The following STARD9 variants were observed in gnomAD, a reference collection of about 807,000 sequenced individuals.
STARD9 encodes StAR related lipid transfer domain containing 9.
A neutral mutation model predicts 399.8 loss-of-function variants in STARD9; 346 were observed. The observed-to-expected ratio is 0.87, with a 90% CI of 0.79 to 0.95. The LOEUF (loss-of-function observed/expected upper bound fraction) is 0.95. Ranked by LOEUF, STARD9 falls within the 40% of genes least tolerant of loss-of-function variation. The probability of loss-of-function intolerance (pLI) is 0.00; values close to 1 mark genes in which losing one functional copy is unlikely to be tolerated. For missense variants in STARD9, 5,832 were observed against 5,667.5 expected (o/e 1.03, Z -0.93); for synonymous variants, 2,203 against 2,143.5 (o/e 1.03, Z -0.77).
intron 9 of STARD9, among the ~76,000 whole-genome samples, chr15:42,658,534 G>A (rs1174434025): frequency 6.7e-6 from 1 of 148,826 alleles, no homozygotes; most frequent in Non-Finnish European, 1.5e-5. Context: ...CCAGGCTGGA[G>A]CACAGTGGCA....
In STARD9 at chr15:42,685,697, G is replaced by C. The variant is rs747796785; in HGVS notation, c.4119G>C (p.Arg1373Ser). 1 of 1,537,182 alleles carries C rather than the reference G, an allele frequency of 6.5e-7. No individual in the cohort carries two copies. The highest frequency in any genetic ancestry group is 1.2e-5 in the South Asian group (1 of 84,062). The part of the protein sequence containing the change: ...MQEFHSCKGE[R>S]PGYWPNTEEL... ...AATTTCACTCCTGTAAGGGGGAGAG[G>C]CCTGGATACTGGCCAAATACTGAGG... Residue 1373 changes from arginine to serine, a missense_variant, in exon 23 of 33, where the codon AGG (arginine) becomes AGC (serine). Arg to Ser is a moderately radical substitution (Grantham distance 110, BLOSUM62 -1). Transcript: ENST00000290607.
chr15:42,638,663 AAATAT>A (rs1185985498), intron 6 of STARD9, 32 bp from the exon 7 acceptor site: 2 of 1,414,942 alleles, frequency 1.4e-6, no homozygotes, highest in Non-Finnish European at 1.9e-6. Flanking sequence ...CTTTTTTTCA[AAATAT>A]AATTATGTTG....
At chr15:42,664,823 C>CACACACACAT (rs71431859) in intron 13 of STARD9, among the ~76,000 whole-genome samples, 19 of 151,468 alleles carry the variant, frequency 1.3e-4, no homozygotes, top group African/African-American at 4.2e-4. Flanking sequence ...CACACACACA[C>CACACACACAT]ACCCCATACG....
intron 4 of STARD9, 80 bp downstream of exon 4, chr15:42,635,052 T>TC: frequency 3.0e-6 from 2 of 664,058 alleles, no homozygotes; most frequent in African/African-American, 1.9e-5. Context: ...TGAGACAGAA[T>TC]ATGATTTCTG....
chr15:42,657,360 C>CA (rs34831398), intron 9 of STARD9, among the ~76,000 whole-genome samples: 45,674 of 101,202 alleles, frequency 0.45, 10,943 homozygotes, highest in African/African-American at 0.74. Context: ...GATTCCGTCT[C>CA]AAAAAAAAAA....
chr15:42,635,124 G>C (rs561697588), intron 4 of STARD9, among the ~76,000 whole-genome samples, 152 bp downstream of exon 4: 1 of 151,802 alleles, frequency 6.6e-6, no homozygotes, highest in Non-Finnish European at 1.5e-5. Flanking sequence ...TGAGTTTTTC[G>C]GCTGGGCGCA....
Position 42,694,632 on chromosome 15 carries a change from C to T in STARD9, c.12869C>T (p.Pro4290Leu), listed in dbSNP as rs1047631411. ...LSPQKQLSLLPNKDLFIWDLD... is the reference protein window; with the variant it reads ...LSPQKQLSLLLNKDLFIWDLD... ...CCTCAGAAACAACTGAGCCTCCTGC[C>T]CAACAAAGATCTCTTCATCTGGGAT... The change falls in exon 24 of 33, where the codon CCC (proline) becomes CTC (leucine). Residue 4290 changes from proline (P) to leucine (L), a missense_variant. By Grantham distance (98) the Pro-to-Leu change is moderately conservative (BLOSUM62 -3). This residue lies in a region of STARD9 where 5,828 missense variants were observed against 5,651.1 expected (regional missense o/e 1.03). Transcript: ENST00000290607. 6.5e-7 allele frequency: 1 copy of T among 1,537,160 alleles called. No individual in the cohort carries two copies. The highest frequency in any genetic ancestry group is 2.4e-5 in the East Asian group (1 of 40,894).
rs574250973 is a variant in STARD9, at chr15:42,581,093, T to A, written c.48-2253T>A. 14 of 666,764 alleles carry A rather than the reference T, an allele frequency of 2.1e-5. No homozygotes were observed. The African/African-American group carries it at 2.3e-4, about 11-fold the overall frequency. 41.3% of individuals were successfully genotyped at this position (666,764 alleles called of 1,614,324 possible). On this transcript the variant is annotated intron_variant, in intron 1 of 32. Coordinates refer to ENST00000290607, the MANE Select transcript of STARD9 (RefSeq NM_020759.3). ...AATCAGGTGCACACAGGTACCAGTG[T>A]TGCTGCTTTTCTTCTAATCCTTGCA...
chr15:42,654,543 T>G (rs1179664707), intron 9 of STARD9, among the ~76,000 whole-genome samples: 1 of 152,072 alleles, frequency 6.6e-6, no homozygotes, highest in Non-Finnish European at 1.5e-5. Flanking sequence ...TAAAGACTTA[T>G]CCAAAGAGCT....
At position 42,675,999 on chromosome 15, in the gene STARD9, A is replaced by C. The variant is rs768783107; in HGVS notation, c.1874+24A>C. 3.1e-5 allele frequency: 29 copies of C among 927,232 alleles called. No individual in the cohort carries two copies. In the South Asian group the frequency reaches 3.8e-4, roughly 12 times the overall value. The allele number at this position is 927,232 out of a possible 1,614,324, so 57.4% of individuals were successfully genotyped here. A position where few individuals can be genotyped will look rare whatever the true frequency, so the allele number is the denominator to read the frequency against. On this transcript the variant is annotated intron_variant, in intron 20 of 32. Coordinates refer to ENST00000290607, the MANE Select transcript of STARD9 (RefSeq NM_020759.3). ...AGGTAAGAAATAGCTGCTTATACTG[A>C]TGTGGAACCTACTGGGTTCGCTTCT...
chr15:42,667,501 G>A (rs1411447142), intron 15 of STARD9, among the ~76,000 whole-genome samples: 1 of 143,618 alleles, frequency 7.0e-6, no homozygotes, highest in Non-Finnish European at 1.5e-5. Flanking sequence ...ATTATTTTGG[G>A]ACAGAGTTTC....
chr15:42,654,774 A>G (rs562166702), intron 9 of STARD9, among the ~76,000 whole-genome samples: 2 of 152,368 alleles, frequency 1.3e-5, no homozygotes, highest in South Asian at 4.1e-4. Flanking sequence ...GAAAGAAATC[A>G]TATATGACAC....
intron 3 of STARD9, among the ~76,000 whole-genome samples, chr15:42,618,291 C>G (rs989893250): frequency 6.6e-6 from 1 of 151,214 alleles, no homozygotes; most frequent in Non-Finnish European, 1.5e-5. Context: ...CGCCACCACA[C>G]CTGGCTAATT....
In STARD9 at chr15:42,687,662, C is replaced by A; in HGVS notation, c.6084C>A (p.Pro2028=). The change falls in exon 23 of 33, where the codon CCC becomes CCA. Residue 2028 remains proline (P), a synonymous_variant. Transcript: ENST00000290607. ...GCAAGTCACAAGAAATGTTAAATCC[C>A]AACAGAGAACCTTCTGGAAAGAAAC... ...SECKSQEMLN[P]NREPSGKKQN... is the part of the protein sequence containing the mutation. The A allele has an allele frequency of 1.3e-6, 2 of 1,536,982 alleles. No individual in the cohort carries two copies. Among genetic ancestry groups the A allele is most frequent in the Non-Finnish European group, 1.7e-6 (2 of 1,146,806 alleles).
intron 16 of STARD9, 93 bp from the exon 17 acceptor site, chr15:42,674,347 G>T (rs2060265557): frequency 1.7e-5 from 17 of 1,018,520 alleles, no homozygotes; most frequent in Non-Finnish European, 2.4e-5. Context: ...ATGAGGCTGG[G>T]AAGACAGTGA....
At position 42,693,962 on chromosome 15, in the gene STARD9, C is replaced by CCAG; in HGVS notation, c.12387_12389dup (p.Gln4129dup). 2 of 1,505,070 alleles carry CCAG rather than the reference C, an allele frequency of 1.3e-6. No homozygotes were observed. The highest frequency in any genetic ancestry group is 1.8e-6 in the Non-Finnish European group (2 of 1,128,812). 93.2% of individuals were successfully genotyped at this position (1,505,070 alleles called of 1,614,324 possible). A position where few individuals can be genotyped will look rare whatever the true frequency, so the allele number is the denominator to read the frequency against. The stretch of plus-strand genomic sequence containing the variant: ...GCCAGATGTGCATGGCCCCTGAGCA[C>CCAG]CAGCACCACAGTCTGAGGGACCTCC... On this transcript the variant is annotated inframe_insertion, in exon 23 of 33. Coordinates refer to ENST00000290607, the MANE Select transcript of STARD9 (RefSeq NM_020759.3).
In STARD9 at chr15:42,603,535, C is replaced by T. The variant is rs988114129; in HGVS notation, c.234+17898C>T. 3.9e-5 allele frequency among the ~76,000 whole-genome samples: 6 copies of T among 151,996 alleles called. No individual in the cohort carries two copies. In the South Asian group the frequency reaches 6.2e-4, roughly 16 times the overall value. The stretch of plus-strand genomic sequence containing the variant: ...CTGCTGCCCCATAGAGCCAATTTAC[C>T]GAGACAGTGGAATCACAATAAAGAG... On this transcript the variant is annotated intron_variant, in intron 3 of 32. Coordinates refer to ENST00000290607, the MANE Select transcript of STARD9 (RefSeq NM_020759.3).
intron 26 of STARD9, among the ~76,000 whole-genome samples, chr15:42,705,363 T>C (rs1429755637): frequency 3.3e-5 from 5 of 152,234 alleles, no homozygotes; most frequent in East Asian, 1.9e-4. Context: ...TTCAAATTGA[T>C]GTTTCTGTGG....
At position 42,688,687 on chromosome 15, in the gene STARD9, A is replaced by G. The variant is rs376600244; in HGVS notation, c.7109A>G (p.His2370Arg). Residue 2370 changes from histidine to arginine, a missense_variant, in exon 23 of 33, where the codon CAT becomes CGT. Around this residue, in one of 2 missense-constraint regions of STARD9, gnomAD observed 5,828 missense variants for 5,651.1 expected, o/e 1.03. Coordinates refer to ENST00000290607, the MANE Select transcript of STARD9 (RefSeq NM_020759.3). ...CVLDLTMLKI[H>R]NSPLVTGVEH... ...CTGGATCTCACAATGTTGAAAATTC[A>G]TAACAGTCCCTTGGTAACTGGAGTA... 3.3e-5 allele frequency: 50 copies of G among 1,537,718 alleles called. No individual in the cohort carries two copies. Among genetic ancestry groups the G allele is most frequent in the African/African-American group, 3.0e-4 (22 of 73,168 alleles).
Sources: gnomAD v4.1 joint callset for allele counts (sites outside exome capture counted in the v4.1 genomes callset) on GRCh38, gnomAD v4.1.1 for gene constraint, gnomAD v4.1.1 regional missense constraint, MANE v1.5 for transcripts, NCBI Gene and HGNC (gene_info 2026-07-23, HGNC 2026-07-21) for gene names.